The following CTTNBP2 variants were observed in gnomAD, a reference collection of about 807,000 sequenced individuals.
CTTNBP2 encodes cortactin binding protein 2.
In CTTNBP2, 108 loss-of-function variants were observed where a neutral mutation model predicts 156.9. That is an observed-to-expected ratio of 0.69 (90% CI 0.59 to 0.81). CTTNBP2 has a LOEUF of 0.81. Among genes scored for constraint, CTTNBP2 ranks in the 30% least tolerant of loss-of-function variants. The pLI is 0.00. For synonymous variants in CTTNBP2, 767 were observed against 751.8 expected, an observed-to-expected ratio of 1.02 and a Z score of -0.33; for missense variants, 1,924 against 2,035.4, an observed-to-expected ratio of 0.95 and a Z score of 1.05.
chr7:117,792,733 T>C lies in CTTNBP2; in HGVS notation c.463A>G (p.Lys155Glu), dbSNP rs1471177250. The C allele has an allele frequency of 3.7e-6, 6 of 1,606,156 alleles. No homozygotes were observed. The highest frequency in any genetic ancestry group is 4.3e-6 in the Non-Finnish European group (5 of 1,176,326). ...TCTTCCTCAAGGCGGGCAGCCAGCTTCTTGTGCTCTTGCTCAAGGGCTTGT... is the reference window on the plus strand; with the variant it reads ...TCTTCCTCAAGGCGGGCAGCCAGCTCCTTGTGCTCTTGCTCAAGGGCTTGT... The part of the protein sequence containing the change: ...QLQALEQEHK[K>E]LAARLEEERG... The change falls in exon 4 of 23, where the codon AAG becomes GAG. Residue 155 changes from lysine to glutamate, a missense_variant. By Grantham distance (56) the Lys-to-Glu change is moderately conservative (BLOSUM62 1). Transcript: ENST00000160373. The surrounding 1 kb of genome is among the most constrained non-coding windows in gnomAD (Gnocchi z 4.2).
intron 14 of CTTNBP2, among the ~76,000 whole-genome samples, chr7:117,742,674 C>G (rs1239564302): frequency 6.6e-6 from 1 of 152,196 alleles, no homozygotes; most frequent in East Asian, 1.9e-4. Context: ...TTGAGACTGA[C>G]TGGCAGGATG....
chr7:117,808,376 G>T (rs992524413), intron 3 of CTTNBP2, among the ~76,000 whole-genome samples: 1 of 151,970 alleles, frequency 6.6e-6, no homozygotes, highest in Non-Finnish European at 1.5e-5. Context: ...TCCCCATGAT[G>T]ATTACTCATT....
intron 2 of CTTNBP2, among the ~76,000 whole-genome samples, chr7:117,842,511 T>C (rs189870021): frequency 6.6e-6 from 1 of 151,882 alleles, no homozygotes; most frequent in African/African-American, 2.4e-5. Flanking sequence ...CAAAATAGTC[T>C]TGCATTAAAA....
chr7:117,714,607 A>G (rs771972921), intron 22 of CTTNBP2, among the ~76,000 whole-genome samples: 9 of 152,186 alleles, frequency 5.9e-5, no homozygotes, highest in Non-Finnish European at 1.0e-4. Flanking sequence ...AGGGGAGTGT[A>G]CCTTCATGGT....
At chr7:117,858,087 T>C (rs941699263) in intron 2 of CTTNBP2, among the ~76,000 whole-genome samples, 1 of 152,160 alleles carries the variant, frequency 6.6e-6, no homozygotes, top group Non-Finnish European at 1.5e-5. Flanking sequence ...GGAATCTCCA[T>C]AGGTCGGGCG....
At chr7:117,763,141 T>G (rs182205280) in intron 9 of CTTNBP2, among the ~76,000 whole-genome samples, 351 of 152,336 alleles carry the variant, frequency 2.3e-3, no homozygotes, top group African/African-American at 8.2e-3. Context: ...CTTATATTTA[T>G]TGTTCATTTT....
intron 3 of CTTNBP2, among the ~76,000 whole-genome samples, chr7:117,810,135 G>A (rs1011523977): frequency 2.5e-4 from 38 of 152,234 alleles, no homozygotes; most frequent in African/African-American, 8.9e-4. Flanking sequence ...GAGAGGAGGA[G>A]GAGGTTGGTT....
chr7:117,869,837 T>C (rs1804457603), intron 1 of CTTNBP2, among the ~76,000 whole-genome samples: 3 of 152,172 alleles, frequency 2.0e-5, no homozygotes, highest in South Asian at 4.1e-4. Flanking sequence ...AAAACAGTTA[T>C]ATTCTCATCT....
intron 1 of CTTNBP2, among the ~76,000 whole-genome samples, chr7:117,870,272 A>G (rs527844851): frequency 1.3e-5 from 2 of 152,190 alleles, no homozygotes; most frequent in Non-Finnish European, 2.9e-5. Context: ...ATGTGTGTTA[A>G]ATCTACGTTA....
intron 22 of CTTNBP2, among the ~76,000 whole-genome samples, chr7:117,714,677 A>C (rs1188467744): frequency 6.6e-6 from 1 of 152,192 alleles, no homozygotes; most frequent in African/African-American, 2.4e-5. Context: ...ACAACTAAAA[A>C]CATGTAGTTT....
At chr7:117,800,440 C>G (rs1799548444) in intron 3 of CTTNBP2, among the ~76,000 whole-genome samples, 1 of 152,024 alleles carries the variant, frequency 6.6e-6, no homozygotes, top group East Asian at 1.9e-4. Context: ...ACAGATTACC[C>G]ACATGTATGC....
chr7:117,783,215 G>T (rs981287446), intron 5 of CTTNBP2, among the ~76,000 whole-genome samples: 1 of 152,124 alleles, frequency 6.6e-6, no homozygotes, highest in Non-Finnish European at 1.5e-5. Flanking sequence ...GCCCATGCGT[G>T]TGTGCATTTT....
intron 2 of CTTNBP2, among the ~76,000 whole-genome samples, chr7:117,825,727 A>G (rs557880155): frequency 3.3e-5 from 5 of 152,202 alleles, no homozygotes; most frequent in African/African-American, 4.8e-5. Context: ...GCAGTAATGT[A>G]CCTAAACCAG....
rs1459864995 is a variant in CTTNBP2, at chr7:117,845,777, T to C, written c.189+15432A>G. Among the ~76,000 whole-genome samples the C allele has an allele frequency of 2.0e-5, 3 of 152,224 alleles. No individual in the cohort carries two copies. The East Asian group carries it at 5.8e-4, about 29-fold the overall frequency. On this transcript the variant is annotated intron_variant, in intron 2 of 22. Coordinates refer to ENST00000160373, the MANE Select transcript of CTTNBP2 (RefSeq NM_033427.3). ...TCAGCCAGTACACATCAAGATGGTG[T>C]AACGAATGTGATCTGTCCTGGTATT... is the stretch of plus-strand genomic sequence containing the variant.
intron 16 of CTTNBP2, among the ~76,000 whole-genome samples, chr7:117,730,558 G>C (rs1470194557): frequency 6.6e-6 from 1 of 152,204 alleles, no homozygotes; most frequent in Admixed American, 6.5e-5. Flanking sequence ...CATGGGTAAA[G>C]GTTACAGATT....
intron 3 of CTTNBP2, among the ~76,000 whole-genome samples, chr7:117,807,884 T>A (rs537190714): frequency 5.3e-5 from 8 of 152,216 alleles, no homozygotes; most frequent in African/African-American, 1.7e-4. Context: ...TGAACCACGA[T>A]GTAAGCCAAC....
chr7:117,802,437 CAAAAAAA>C (rs759797673), intron 3 of CTTNBP2, among the ~76,000 whole-genome samples: 26 of 83,742 alleles, frequency 3.1e-4, no homozygotes, highest in South Asian at 9.1e-4. Flanking sequence ...TCAGCATTGG[CAAAAAAA>C]AAAAAAAAAA....
intron 4 of CTTNBP2, among the ~76,000 whole-genome samples, chr7:117,788,798 C>T (rs1798839348): frequency 6.6e-6 from 1 of 152,142 alleles, no homozygotes; most frequent in South Asian, 2.1e-4. Flanking sequence ...GACTCAAGGC[C>T]TCCAGTGCCT....
At chr7:117,836,831 A>G (rs1417727616) in intron 2 of CTTNBP2, among the ~76,000 whole-genome samples, 1 of 152,192 alleles carries the variant, frequency 6.6e-6, no homozygotes, top group African/African-American at 2.4e-5. Context: ...CTTTATAAAA[A>G]CATCAGATCT....
Sources: gnomAD v4.1 joint callset for allele counts (sites outside exome capture counted in the v4.1 genomes callset) on GRCh38, gnomAD v4.1.1 for gene constraint, Gnocchi (gnomAD v3.1) non-coding constraint, MANE v1.5 for transcripts, NCBI Gene and HGNC (gene_info 2026-07-23, HGNC 2026-07-21) for gene names.